Variants in PALLD observed in about 807,000 individuals in gnomAD.
PALLD encodes palladin.
Under a neutral mutation model 123.5 loss-of-function variants are expected in PALLD, and 61 were observed. The observed-to-expected ratio is 0.49, with a 90% CI of 0.40 to 0.61. The LOEUF (loss-of-function observed/expected upper bound fraction) is 0.61, where lower values mean the gene tolerates loss of function less well. Among genes scored for constraint, PALLD ranks in the 20% least tolerant of loss-of-function variants. PALLD has a pLI of 0.00. For missense variants in PALLD, 1,273 were observed against 1,377.0 expected, an observed-to-expected ratio of 0.92 and a Z score of 1.20; for synonymous variants, 465 against 496.4, an observed-to-expected ratio of 0.94 and a Z score of 0.84.
Position 168,527,422 on chromosome 4 carries a change from C to CAAAAAAAAAAAAAAAAAAAAAA in PALLD, c.908+15011_908+15032dup, listed in dbSNP as rs35555541. Among the ~76,000 whole-genome samples the CAAAAAAAAAAAAAAAAAAAAAA allele has an allele frequency of 8.5e-4, 45 of 52,902 alleles. 1 individual carries two copies. Among genetic ancestry groups the CAAAAAAAAAAAAAAAAAAAAAA allele is most frequent in the African/African-American group, 1.6e-3 (14 of 8,856 alleles). 34.7% of individuals were successfully genotyped at this position (52,902 alleles called of 152,430 possible). A position where few individuals can be genotyped will look rare whatever the true frequency, so the allele number is the denominator to read the frequency against. On this transcript the variant is annotated intron_variant, in intron 2 of 21. Coordinates refer to ENST00000505667, the MANE Select transcript of PALLD (RefSeq NM_001166108.2). The stretch of plus-strand genomic sequence containing the variant: ...GGGCAACAGGAGTGAAACTCCATCT[C>CAAAAAAAAAAAAAAAAAAAAAA]AAAAAAAAAAAAAAAAAAAAAAGTC...
intron 10 of PALLD, among the ~76,000 whole-genome samples, chr4:168,761,645 GTTTTT>G (rs70961555): frequency 1.4e-4 from 12 of 88,018 alleles, no homozygotes; most frequent in East Asian, 4.1e-4. Flanking sequence ...GTTGTTGTTT[GTTTTT>G]TTTTTTTTTT....
intron 10 of PALLD, among the ~76,000 whole-genome samples, chr4:168,791,720 A>T (rs1737554234): frequency 6.6e-6 from 1 of 152,176 alleles, no homozygotes; most frequent in African/African-American, 2.4e-5. Context: ...CTTGGTGTTG[A>T]TTATCTGATT....
At chr4:168,534,989 T>C (rs1213432643) in intron 2 of PALLD, among the ~76,000 whole-genome samples, 5 of 152,202 alleles carry the variant, frequency 3.3e-5, no homozygotes, top group Non-Finnish European at 7.4e-5. Context: ...GTACTGAACA[T>C]TTACAGACCT....
chr4:168,690,977 C>T (rs1428336906), intron 7 of PALLD, among the ~76,000 whole-genome samples: 1 of 152,154 alleles, frequency 6.6e-6, no homozygotes, highest in African/African-American at 2.4e-5. Context: ...CATTTGTACT[C>T]AAATTTGCAT....
intron 16 of PALLD, among the ~76,000 whole-genome samples, chr4:168,914,841 G>A (rs895257594): frequency 1.3e-5 from 2 of 152,228 alleles, no homozygotes; most frequent in East Asian, 3.8e-4. Flanking sequence ...AACAAGTGGT[G>A]TGTGACTGCA....
intron 3 of PALLD, among the ~76,000 whole-genome samples, chr4:168,669,679 G>T (rs759766404): frequency 6.6e-6 from 1 of 152,086 alleles, no homozygotes. Flanking sequence ...TCAGTGAAAG[G>T]ATCCTCCACA....
chr4:168,504,810 CAA>C (rs909516842), intron 1 of PALLD: 22 of 152,178 alleles, frequency 1.4e-4, no homozygotes, highest in Non-Finnish European at 1.5e-4. Flanking sequence ...TTCAAAATTT[CAA>C]AATCTTTCAA....
chr4:168,627,751 T>C (rs1053621111), intron 2 of PALLD, among the ~76,000 whole-genome samples: 2 of 152,106 alleles, frequency 1.3e-5, no homozygotes, highest in Admixed American at 6.5e-5. Flanking sequence ...CTCCTTAACA[T>C]ACGTGGAGTT....
chr4:168,785,058 CTTTTTTTTTTTTT>C (rs746597278), intron 10 of PALLD, among the ~76,000 whole-genome samples: 13 of 84,792 alleles, frequency 1.5e-4, no homozygotes, highest in East Asian at 1.1e-3. Flanking sequence ...CTCCCTTTTG[CTTTTTTTTTTTTT>C]TTTTTTTTTT....
In PALLD at chr4:168,811,249, T is replaced by C. The variant is rs74395645; in HGVS notation, c.1965-79673T>C. 7.3e-3 allele frequency among the ~76,000 whole-genome samples: 1,114 copies of C among 152,326 alleles called. 6 individuals are homozygous for C. The highest frequency in any genetic ancestry group is 0.02 in the Middle Eastern group (6 of 294). ...CAAACATATTCTTCAGGATCCACTC[T>C]CAGAGCGTCTTGGTGTTTTTCCAGT... On this transcript the variant is annotated intron_variant, in intron 10 of 21. Transcript: ENST00000505667.
chr4:168,529,835 T>G (rs28432870), intron 2 of PALLD, among the ~76,000 whole-genome samples: 49,310 of 151,972 alleles, frequency 0.32, 9,671 homozygotes, highest in African/African-American at 0.56. Context: ...CTTAAAGAAG[T>G]AATTGTTGCA....
chr4:168,761,645 GTTTT>G (rs70961555), intron 10 of PALLD, among the ~76,000 whole-genome samples: 7 of 88,022 alleles, frequency 8.0e-5, no homozygotes, highest in Non-Finnish European at 1.1e-4. Context: ...GTTGTTGTTT[GTTTT>G]TTTTTTTTTT....
At chr4:168,716,261 G>A (rs1021326716) in intron 10 of PALLD, among the ~76,000 whole-genome samples, 2 of 152,200 alleles carry the variant, frequency 1.3e-5, no homozygotes, top group Non-Finnish European at 2.9e-5. Flanking sequence ...AGGGTGATGC[G>A]ATGGGCAAGT....
At chr4:168,756,585 T>C (rs368180370) in intron 10 of PALLD, among the ~76,000 whole-genome samples, 1 of 152,020 alleles carries the variant, frequency 6.6e-6, no homozygotes, top group South Asian at 2.1e-4. Context: ...AACTATTGAG[T>C]TTTGGTCTAA....
intron 2 of PALLD, among the ~76,000 whole-genome samples, chr4:168,614,384 A>G (rs1488500715): frequency 6.6e-6 from 1 of 152,228 alleles, no homozygotes; most frequent in Non-Finnish European, 1.5e-5. Flanking sequence ...AGAGAGGGAG[A>G]GAGCAGCCAC....
chr4:168,759,316 C>T (rs1304772131), intron 10 of PALLD, among the ~76,000 whole-genome samples: 1 of 146,576 alleles, frequency 6.8e-6, no homozygotes, highest in East Asian at 2.1e-4. Context: ...GTTCAATCAT[C>T]CCCTAAGTAT....
chr4:168,817,405 GT>G (rs1053032973), intron 10 of PALLD, among the ~76,000 whole-genome samples: 1 of 152,142 alleles, frequency 6.6e-6, no homozygotes, highest in African/African-American at 2.4e-5. Context: ...AATTATAACT[GT>G]ATCCTTTGAG....
chr4:168,707,201 G>A (rs112850721), intron 8 of PALLD, among the ~76,000 whole-genome samples: 2 of 152,314 alleles, frequency 1.3e-5, no homozygotes, highest in East Asian at 1.9e-4. Context: ...AAGGATGTTA[G>A]TGAAGGAGGT....
rs1762790986 is a variant in PALLD at position 168,928,171 on chromosome 4, TAA to T, written c.*1992_*1993del. 1 of 188,646 alleles carries T rather than the reference TAA, an allele frequency of 5.3e-6. No individual in the cohort carries two copies. Among genetic ancestry groups the T allele is most frequent in the South Asian group, 2.0e-4 (1 of 5,126 alleles). The allele number at this position is 188,646 out of a possible 1,614,324, so 11.7% of individuals were successfully genotyped here. On this transcript the variant is annotated 3_prime_UTR_variant, in exon 22 of 22. Coordinates refer to ENST00000505667, the MANE Select transcript of PALLD (RefSeq NM_001166108.2). ...TTATATGCATTGCTAATATGGAATT[TAA>T]GATACCATACACAGTCTCTCATGGA... is the stretch of plus-strand genomic sequence containing the variant.
Sources: allele counts gnomAD v4.1 joint callset (sites outside exome capture counted in the v4.1 genomes callset), GRCh38; gene constraint gnomAD v4.1.1; transcripts MANE v1.5; gene names NCBI Gene and HGNC (gene_info 2026-07-23, HGNC 2026-07-21).